The following CAPN3 variants were observed in gnomAD, a reference collection of about 807,000 sequenced individuals.
The protein encoded by CAPN3 is calpain-3.
A neutral mutation model predicts 114.0 loss-of-function variants in CAPN3; 88 were observed. The ratio of observed to expected loss-of-function variants is 0.77; its 90% confidence interval spans 0.65 to 0.92. The LOEUF is 0.92. Among genes scored for constraint, CAPN3 ranks in the 40% least tolerant of loss-of-function variants. CAPN3 has a pLI of 0.00. For missense variants in CAPN3, 1,028 were observed against 1,069.0 expected, an observed-to-expected ratio of 0.96 and a Z score of 0.53; for synonymous variants, 386 against 382.9, an observed-to-expected ratio of 1.01 and a Z score of -0.09.
In CAPN3 at chr15:42,359,523, G is replaced by C; in HGVS notation, c.-283G>C. 7.7e-7 allele frequency: 1 copy of C among 1,294,408 alleles called. No individual in the cohort carries two copies. The highest frequency in any genetic ancestry group is 9.8e-7 in the Non-Finnish European group (1 of 1,015,792). 80.2% of individuals were successfully genotyped at this position (1,294,408 alleles called of 1,614,324 possible). Reference sequence around the variant, plus strand: ...CTCACTCTCTTTCTCTCTCCCTCTGGCATGCATGCTGCTGGTAGGAGACCC... The same window carrying C: ...CTCACTCTCTTTCTCTCTCCCTCTGCCATGCATGCTGCTGGTAGGAGACCC... On this transcript the variant is annotated 5_prime_UTR_variant, in exon 1 of 24. Coordinates refer to ENST00000397163, the MANE Select transcript of CAPN3 (RefSeq NM_000070.3).
Position 42,392,281 on chromosome 15 carries a change from G to A in CAPN3, c.946-358G>A, listed in dbSNP as rs1400699463. Among the ~76,000 whole-genome samples the A allele has an allele frequency of 2.0e-5, 3 of 152,136 alleles. No individual in the cohort carries two copies. In the East Asian group the frequency reaches 5.8e-4, roughly 29 times the overall value. ...CAACCCTGGATGGCTTCAGGGGAAG[G>A]GGGATCCTGAAGCCCAGGGCAGCCT... On this transcript the variant is annotated intron_variant, in intron 6 of 23. Coordinates refer to ENST00000397163, the MANE Select transcript of CAPN3 (RefSeq NM_000070.3).
chr15:42,409,587 T>G (rs546463381), intron 17 of CAPN3, among the ~76,000 whole-genome samples, 200 bp from the exon 18 acceptor site: 15 of 152,218 alleles, frequency 9.9e-5, no homozygotes, highest in Non-Finnish European at 2.2e-4. Flanking sequence ...CTTTTTGCTC[T>G]GAGCTGCCCA....
intron 4 of CAPN3, among the ~76,000 whole-genome samples, chr15:42,388,435 A>G (rs1218749958): frequency 6.6e-6 from 1 of 152,140 alleles, no homozygotes; most frequent in Non-Finnish European, 1.5e-5. Flanking sequence ...CCTCCCAAGT[A>G]GCTGGGACTA....
chr15:42,383,410 G>A (rs565294251), intron 1 of CAPN3, among the ~76,000 whole-genome samples: 2 of 152,236 alleles, frequency 1.3e-5, no homozygotes, highest in East Asian at 1.9e-4. Context: ...CCAACATGGC[G>A]AAACCTCATC....
intron 10 of CAPN3, among the ~76,000 whole-genome samples, 158 bp from the exon 11 acceptor site, chr15:42,401,483 C>T (rs551704617): frequency 7.5e-6 from 1 of 133,890 alleles, no homozygotes; most frequent in Non-Finnish European, 1.6e-5. Context: ...GCCCCCCCCC[C>T]CCCCAAATCA....
intron 14 of CAPN3, among the ~76,000 whole-genome samples, chr15:42,405,715 G>A (rs1431478171): frequency 6.6e-6 from 1 of 152,110 alleles, no homozygotes; most frequent in Middle Eastern, 3.2e-3. Flanking sequence ...AGTCAGAGCA[G>A]TCACTGGTGT....
At chr15:42,387,260 T>C (rs2053430177) in intron 3 of CAPN3, among the ~76,000 whole-genome samples, 3 of 152,242 alleles carry the variant, frequency 2.0e-5, no homozygotes, top group African/African-American at 4.8e-5. Flanking sequence ...ACAATGTTCC[T>C]GCTACAGCTA....
chr15:42,396,731 C>A (rs1482894141), intron 8 of CAPN3, 69 bp from the exon 9 acceptor site: 1 of 1,197,882 alleles, frequency 8.3e-7, no homozygotes, highest in Non-Finnish European at 1.2e-6. Context: ...TTCTCTGATA[C>A]CTCCTGTCCC....
intron 7 of CAPN3, among the ~76,000 whole-genome samples, chr15:42,393,884 C>T (rs1295075498): frequency 1.3e-5 from 2 of 151,266 alleles, no homozygotes; most frequent in Admixed American, 6.6e-5. Flanking sequence ...TGAGCCACCA[C>T]GCCTGGCCAG....
At chr15:42,361,837 C>T (rs1000675940) in intron 1 of CAPN3, among the ~76,000 whole-genome samples, 2 of 152,234 alleles carry the variant, frequency 1.3e-5, no homozygotes, top group Admixed American at 6.5e-5. Context: ...TCCAAGTCTT[C>T]TCACACCGGA....
At chr15:42,378,168 T>G (rs2053139442) in intron 1 of CAPN3, among the ~76,000 whole-genome samples, 1 of 152,382 alleles carries the variant, frequency 6.6e-6, no homozygotes. Context: ...GCTAGCCCTG[T>G]GGGCATTTAT....
chr15:42,387,913 G>C, intron 4 of CAPN3, 27 bp downstream of exon 4: 1 of 1,614,098 alleles, frequency 6.2e-7, no homozygotes, highest in Non-Finnish European at 8.5e-7. Flanking sequence ...AATGTGAGGT[G>C]GGGCTAGAGG....
At chr15:42,377,537 G>A (rs906109278) in intron 1 of CAPN3, among the ~76,000 whole-genome samples, 9 of 152,100 alleles carry the variant, frequency 5.9e-5, no homozygotes, top group Non-Finnish European at 1.2e-4. Context: ...CTTGGTCATG[G>A]TGTCTGTTTA....
At position 42,384,492 on chromosome 15, in the gene CAPN3, G is replaced by T. The variant is rs1801505; in HGVS notation, c.319G>T (p.Glu107Ter). The T allele has an allele frequency of 6.2e-7, 1 of 1,613,230 alleles. No individual in the cohort carries two copies. Among genetic ancestry groups the T allele is most frequent in the African/African-American group, 1.3e-5 (1 of 75,018 alleles). ...FVWKRPPEIC[E>*]NPRFIIDGAN... ...CCTTTTTGTTTCACAGGAAATTTGCGAGAATCCCCGATTTATCATTGATGG... is the reference window on the plus strand; with the variant it reads ...CCTTTTTGTTTCACAGGAAATTTGCTAGAATCCCCGATTTATCATTGATGG... Residue 107 changes from glutamate to a stop codon, truncating the protein, a stop_gained, in exon 2 of 24, where the codon GAG (glutamate) becomes TAG (stop). Transcript: ENST00000397163. LOFTEE classifies it high-confidence loss of function.
In CAPN3 at chr15:42,394,187, C is replaced by T. The variant is rs543153101; in HGVS notation, c.1030-69C>T. 5.1e-5 allele frequency: 73 copies of T among 1,434,608 alleles called. No individual in the cohort carries two copies. The East Asian group carries it at 1.5e-3, about 30-fold the overall frequency. 88.9% of individuals were successfully genotyped at this position (1,434,608 alleles called of 1,614,324 possible). On this transcript the variant is annotated intron_variant, in intron 7 of 23. Coordinates refer to ENST00000397163, the MANE Select transcript of CAPN3 (RefSeq NM_000070.3). ...TTTGCCCCCCAGCCCCGTCCCAGCCCTCAGCAAGACAGAAGATTCCCTTTC... is the reference window on the plus strand; with the variant it reads ...TTTGCCCCCCAGCCCCGTCCCAGCCTTCAGCAAGACAGAAGATTCCCTTTC...
chr15:42,372,512 GT>G (rs1417306892), intron 1 of CAPN3, among the ~76,000 whole-genome samples: 2 of 151,910 alleles, frequency 1.3e-5, no homozygotes, highest in East Asian at 3.9e-4. Flanking sequence ...AACAAAAATG[GT>G]TAAACAAAAG....
rs749099493 is a variant in CAPN3 at position 42,394,289 on chromosome 15, C to G, written c.1063C>G (p.Arg355Gly). The G allele has an allele frequency of 6.4e-7, 1 of 1,562,580 alleles. No homozygotes were observed. The highest frequency in any genetic ancestry group is 8.7e-7 in the Non-Finnish European group (1 of 1,152,798). The change falls in exon 8 of 24, where the codon CGG becomes GGG. Residue 355 changes from arginine (R) to glycine (G), a missense_variant. Arg to Gly is a moderately radical substitution (Grantham distance 125). Transcript: ENST00000397163. Reference sequence around the variant, plus strand: ...CAAAGGTGAGAAAGTGAAGCTGGTGCGGCTGCGGAATCCGTGGGGCCAGGT... The same window carrying G: ...CAAAGGTGAGAAAGTGAAGCTGGTGGGGCTGCGGAATCCGTGGGGCCAGGT... ...PFKGEKVKLV[R>G]LRNPWGQVEW...
In CAPN3 at chr15:42,411,969, A is replaced by G; in HGVS notation, c.*196A>G. The G allele has an allele frequency of 6.6e-7, 1 of 1,515,308 alleles. No homozygotes were observed. Among genetic ancestry groups the G allele is most frequent in the Non-Finnish European group, 8.9e-7 (1 of 1,129,930 alleles). The allele number at this position is 1,515,308 out of a possible 1,614,324, so 93.9% of individuals were successfully genotyped here. A position where few individuals can be genotyped will look rare whatever the true frequency, so the allele number is the denominator to read the frequency against. On this transcript the variant is annotated 3_prime_UTR_variant, in exon 24 of 24. Coordinates refer to ENST00000397163, the MANE Select transcript of CAPN3 (RefSeq NM_000070.3). ...GTCATGCCTAGCCTGACCCTTTAGT[A>G]AAGCAATGAGGTAGGAAGAACAAAC...
At chr15:42,408,718 A>G (rs751601294) in intron 16 of CAPN3, 9 of 357,530 alleles carry the variant, frequency 2.5e-5, no homozygotes, top group Non-Finnish European at 4.9e-5. Flanking sequence ...GACTTCAGAA[A>G]TGGGGTCCTC....
Sources: gnomAD v4.1 joint callset for allele counts (sites outside exome capture counted in the v4.1 genomes callset) on GRCh38, gnomAD v4.1.1 for gene constraint, MANE v1.5 for transcripts, NCBI Gene and HGNC (gene_info 2026-07-23, HGNC 2026-07-21) for gene names.